Variants in CFAP206 observed in about 807,000 individuals in gnomAD.
CFAP206 encodes cilia- and flagella-associated protein 206.
Under a neutral mutation model 65.4 loss-of-function variants are expected in CFAP206, and 53 were observed. The ratio of observed to expected loss-of-function variants is 0.81; its 90% confidence interval spans 0.65 to 1.02. The LOEUF (loss-of-function observed/expected upper bound fraction) is 1.02, where lower values mean the gene tolerates loss of function less well. Among genes scored for constraint, CFAP206 ranks in the 50% least tolerant of loss-of-function variants. The pLI is 0.00. For missense variants in CFAP206, 663 were observed against 753.2 expected (o/e 0.88, Z 1.40); for synonymous variants, 250 against 254.4 (o/e 0.98, Z 0.17).
At chr6:87,460,080 T>C (rs1768718620) in intron 11 of CFAP206, among the ~76,000 whole-genome samples, 1 of 152,190 alleles carries the variant, frequency 6.6e-6, no homozygotes, top group Non-Finnish European at 1.5e-5. Flanking sequence ...TAGTCAGAAA[T>C]TATATCAAAT....
At chr6:87,457,149 CAAA>C (rs56842848) in intron 11 of CFAP206, among the ~76,000 whole-genome samples, 9 of 115,908 alleles carry the variant, frequency 7.8e-5, no homozygotes, top group African/African-American at 6.3e-5. Flanking sequence ...GACAACCTCT[CAAA>C]AAAAAAAAAA....
Position 87,464,303 on chromosome 6 carries a change from A to T in CFAP206, c.*53A>T. The T allele has an allele frequency of 1.4e-6, 2 of 1,400,338 alleles. No individual in the cohort carries two copies. Among genetic ancestry groups the T allele is most frequent in the Non-Finnish European group, 2.0e-6 (2 of 1,015,448 alleles). 86.7% of individuals were successfully genotyped at this position (1,400,338 alleles called of 1,614,324 possible). On this transcript the variant is annotated 3_prime_UTR_variant, in exon 13 of 13. Transcript: ENST00000369562. ...TACTCAATTATGAACAATAGCAAGT[A>T]CTTAAAGGTATATTAACATCTATAC...
At chr6:87,421,794 T>C (rs1422069239) in intron 7 of CFAP206, among the ~76,000 whole-genome samples, 1 of 152,162 alleles carries the variant, frequency 6.6e-6, no homozygotes, top group African/African-American at 2.4e-5. Flanking sequence ...CCAAGCTATT[T>C]TTGCAGGGCC....
Position 87,415,829 on chromosome 6 carries a change from G to A in CFAP206, c.427G>A (p.Gly143Ser). 1.2e-6 allele frequency: 2 copies of A among 1,610,168 alleles called. No individual in the cohort carries two copies. Among genetic ancestry groups the A allele is most frequent in the Admixed American group, 3.4e-5 (2 of 59,462 alleles). ...KIISYVLLRS[G>S]LGSPTDIKTV... ...TATCAGCTATGTGTTACTCCGCTCTGGCCTTGGATCCCCTACAGACATCAA... is the reference window on the plus strand; with the variant it reads ...TATCAGCTATGTGTTACTCCGCTCTAGCCTTGGATCCCCTACAGACATCAA... Residue 143 changes from glycine to serine, a missense_variant, in exon 5 of 13, where the codon GGC becomes AGC. Physicochemically the swap from Gly to Ser is moderately conservative, Grantham distance 56 (BLOSUM62 0). Transcript: ENST00000369562.
At position 87,444,526 on chromosome 6, in the gene CFAP206, G is replaced by C. The variant is rs140850857; in HGVS notation, c.1494+9473G>C. On this transcript the variant is annotated intron_variant, in intron 11 of 12. Coordinates refer to ENST00000369562, the MANE Select transcript of CFAP206 (RefSeq NM_001031743.3). The stretch of plus-strand genomic sequence containing the variant: ...AAGGCCACCATAACTTCTGGACCCT[G>C]TATGGCTGCAAGAACCTCTGGATCA... 1.4e-5 allele frequency: 4 copies of C among 277,674 alleles called. No individual in the cohort carries two copies. In the East Asian group the frequency reaches 3.7e-4, roughly 26 times the overall value. 17.2% of individuals were successfully genotyped at this position (277,674 alleles called of 1,614,324 possible).
intron 7 of CFAP206, among the ~76,000 whole-genome samples, chr6:87,420,141 TTTACA>T (rs1217236821): frequency 6.6e-6 from 1 of 152,194 alleles, no homozygotes; most frequent in East Asian, 1.9e-4. Flanking sequence ...GATATTTCCC[TTTACA>T]TTACCTTGTG....
At chr6:87,463,472 T>A (rs539793956) in intron 12 of CFAP206, among the ~76,000 whole-genome samples, 1 of 152,214 alleles carries the variant, frequency 6.6e-6, no homozygotes, top group African/African-American at 2.4e-5. Flanking sequence ...TTCTTCTTTT[T>A]ATAAGCTCCT....
intron 11 of CFAP206, among the ~76,000 whole-genome samples, chr6:87,453,382 T>C (rs1313518566): frequency 6.6e-6 from 1 of 152,060 alleles, no homozygotes; most frequent in African/African-American, 2.4e-5. Flanking sequence ...CAATAACAAA[T>C]CATCTGAAGG....
intron 11 of CFAP206, among the ~76,000 whole-genome samples, chr6:87,460,260 G>T (rs1036919884): frequency 2.6e-5 from 4 of 152,054 alleles, no homozygotes; most frequent in Non-Finnish European, 5.9e-5. Flanking sequence ...TTAATATTGG[G>T]TTCCCCAAAA....
intron 6 of CFAP206, among the ~76,000 whole-genome samples, chr6:87,417,311 T>C (rs898338451): frequency 2.0e-5 from 3 of 152,320 alleles, no homozygotes; most frequent in South Asian, 2.1e-4. Flanking sequence ...AAAGTACTTA[T>C]GAAATATTTA....
At chr6:87,427,885 T>C (rs957694260) in intron 8 of CFAP206, among the ~76,000 whole-genome samples, 1 of 152,056 alleles carries the variant, frequency 6.6e-6, no homozygotes, top group Admixed American at 6.5e-5. Flanking sequence ...TTTTGGTACT[T>C]ATGAAGGTGT....
intron 3 of CFAP206, among the ~76,000 whole-genome samples, chr6:87,413,461 A>G (rs192211190): frequency 6.6e-6 from 1 of 152,154 alleles, no homozygotes; most frequent in South Asian, 2.1e-4. Context: ...GACATTGAAG[A>G]CTTGGGAGGG....
intron 11 of CFAP206, among the ~76,000 whole-genome samples, chr6:87,453,989 A>G (rs1208788861): frequency 2.0e-5 from 3 of 152,200 alleles, no homozygotes; most frequent in Non-Finnish European, 2.9e-5. Flanking sequence ...TGTTGCCTAC[A>G]AGAAATGCAC....
chr6:87,436,468 T>G lies in CFAP206; in HGVS notation c.1494+1415T>G, dbSNP rs1768270089. Among the ~76,000 whole-genome samples, 10 of 152,140 alleles carry G rather than the reference T, an allele frequency of 6.6e-5. No individual in the cohort carries two copies. In the South Asian group the frequency reaches 2.1e-3, roughly 32 times the overall value. On this transcript the variant is annotated intron_variant, in intron 11 of 12. Coordinates refer to ENST00000369562, the MANE Select transcript of CFAP206 (RefSeq NM_001031743.3). ...ACCTGGCCAGCAGAGATCCAAGCAG[T>G]AAGTAGTGAGAGGACTGTTGGGCTG... is the stretch of plus-strand genomic sequence containing the variant.
chr6:87,463,780 G>A (rs1582156131), intron 12 of CFAP206, among the ~76,000 whole-genome samples: 2 of 152,118 alleles, frequency 1.3e-5, no homozygotes, highest in East Asian at 1.9e-4. Context: ...TTTTGAATCT[G>A]TATGTTTTTT....
Position 87,425,749 on chromosome 6 carries a change from G to A in CFAP206, c.841-777G>A, listed in dbSNP as rs1422667131. ...TATAGAAAATATACAGTTAATATAT[G>A]TACTTCCCCCAGACGATAATGAAGT... is the stretch of plus-strand genomic sequence containing the variant. On this transcript the variant is annotated intron_variant, in intron 7 of 12. Coordinates refer to ENST00000369562, the MANE Select transcript of CFAP206 (RefSeq NM_001031743.3). 2.0e-5 allele frequency: 3 copies of A among 152,174 alleles called. No individual in the cohort carries two copies. The East Asian group carries it at 5.8e-4, about 29-fold the overall frequency. The allele number at this position is 152,174 out of a possible 1,614,324, so 9.4% of individuals were successfully genotyped here.
chr6:87,440,383 TGTTA>T (rs1195428399), intron 11 of CFAP206, among the ~76,000 whole-genome samples: 2 of 152,132 alleles, frequency 1.3e-5, no homozygotes, highest in East Asian at 1.9e-4. Context: ...ATTTAGAGTC[TGTTA>T]GTTTTTTTTT....
At chr6:87,443,695 C>T (rs1768391274) in intron 11 of CFAP206, among the ~76,000 whole-genome samples, 1 of 151,908 alleles carries the variant, frequency 6.6e-6, no homozygotes, top group African/African-American at 2.4e-5. Flanking sequence ...TGCATGAAGC[C>T]GAGGCTTGGG....
intron 11 of CFAP206, among the ~76,000 whole-genome samples, chr6:87,446,375 G>T (rs1257416820): frequency 2.6e-5 from 4 of 152,166 alleles, no homozygotes; most frequent in Middle Eastern, 6.8e-3. Flanking sequence ...TCCATCTTAA[G>T]TTAATTTTTG....
Sources: allele counts gnomAD v4.1 joint callset (sites outside exome capture counted in the v4.1 genomes callset), GRCh38; gene constraint gnomAD v4.1.1; transcripts MANE v1.5; gene names NCBI Gene and HGNC (gene_info 2026-07-23, HGNC 2026-07-21).